Variants in PLA2G4E observed in about 807,000 individuals in gnomAD.
The protein encoded by PLA2G4E is phospholipase A2 group IVE, also known as cytosolic phospholipase A2 epsilon.
PLA2G4E carries 84 observed loss-of-function variants against 109.1 expected under a neutral mutation model. The ratio of observed to expected loss-of-function variants is 0.77; its 90% CI spans 0.65 to 0.92. PLA2G4E has a LOEUF of 0.92. Among genes scored for constraint, PLA2G4E ranks in the 40% least tolerant of loss-of-function variants. The pLI is 0.00. For missense variants in PLA2G4E, 1,057 were observed against 1,076.6 expected (o/e 0.98, Z 0.25); for synonymous variants, 469 against 436.1 (o/e 1.08, Z -0.94).
intron 10 of PLA2G4E, chr15:41,997,786 G>C (rs1200764434): frequency 2.6e-5 from 4 of 152,182 alleles, no homozygotes; most frequent in Admixed American, 6.5e-5. Flanking sequence ...CAATTATTCT[G>C]TGTGTGTGTG....
chr15:42,016,450 T>G (rs921039852), intron 1 of PLA2G4E, among the ~76,000 whole-genome samples: 3 of 151,968 alleles, frequency 2.0e-5, no homozygotes, highest in African/African-American at 7.3e-5. Context: ...CAATTCTCCC[T>G]CCTCAGTCTC....
intron 13 of PLA2G4E, among the ~76,000 whole-genome samples, chr15:41,990,987 C>A (rs2068238333): frequency 6.6e-6 from 1 of 152,000 alleles, no homozygotes; most frequent in South Asian, 2.1e-4. Context: ...GCAAAGGCTA[C>A]AGAACCTGTG....
intron 1 of PLA2G4E, among the ~76,000 whole-genome samples, chr15:42,047,437 C>A (rs1024950080): frequency 4.0e-5 from 6 of 150,526 alleles, no homozygotes; most frequent in African/African-American, 1.5e-4. Context: ...TATAACAATC[C>A]CACTCTCAGT....
Position 41,995,614 on chromosome 15 carries a change from G to T in PLA2G4E, c.1111-118C>A, listed in dbSNP as rs1055905934. The T allele has an allele frequency of 3.1e-5, 43 of 1,371,760 alleles. 1 individual carries two copies. The highest frequency in any genetic ancestry group is 2.8e-4 in the African/African-American group (20 of 70,196). The allele number at this position is 1,371,760 out of a possible 1,614,324, so 85.0% of individuals were successfully genotyped here. On this transcript the variant is annotated intron_variant, in intron 11 of 19. Coordinates refer to ENST00000399518, the Ensembl canonical transcript of PLA2G4E. ...GAGGAGGCAGAGCTGGCTACAGAGG[G>T]CAGGGAGTGCGGCGTTGAGCCACCT...
Position 42,050,444 on chromosome 15 carries a change from G to A in PLA2G4E, c.183+77C>T, listed in dbSNP as rs1016065646. 6 of 1,445,648 alleles carry A rather than the reference G, an allele frequency of 4.2e-6. No homozygotes were observed. In the Admixed American group the frequency reaches 8.9e-5, roughly 21 times the overall value. 89.6% of individuals were successfully genotyped at this position (1,445,648 alleles called of 1,614,324 possible). A position where few individuals can be genotyped will look rare whatever the true frequency, so the allele number is the denominator to read the frequency against. ...AACCTCTTAACTCTGCAGCAATGCAGGTGATCTTATTCCGAGTCAGGAAAG... is the reference window on the plus strand; with the variant it reads ...AACCTCTTAACTCTGCAGCAATGCAAGTGATCTTATTCCGAGTCAGGAAAG... On this transcript the variant is annotated intron_variant, in intron 1 of 19. Transcript: ENST00000399518.
At chr15:41,987,945 C>T (rs1175472488) in intron 16 of PLA2G4E, 104 bp downstream of exon 16, 1 of 570,948 alleles carries the variant, frequency 1.8e-6, no homozygotes, top group Non-Finnish European at 3.3e-6. Flanking sequence ...CCCCCCATCA[C>T]CCAGCCATGA....
chr15:41,982,358 G>C (rs1049714973), exon 20 of PLA2G4E: 9 of 152,028 alleles, frequency 5.9e-5, no homozygotes, highest in Non-Finnish European at 1.5e-5. Flanking sequence ...TGTGTCCCAG[G>C]GTTTTCCCAG....
chr15:42,040,006 G>A (rs1158359518), intron 1 of PLA2G4E, among the ~76,000 whole-genome samples: 1 of 152,070 alleles, frequency 6.6e-6, no homozygotes, highest in African/African-American at 2.4e-5. Flanking sequence ...TAAAATTAAG[G>A]AGAGAAAACT....
At chr15:42,030,091 G>C (rs1889087096) in intron 1 of PLA2G4E, among the ~76,000 whole-genome samples, 1 of 152,172 alleles carries the variant, frequency 6.6e-6, no homozygotes, top group Non-Finnish European at 1.5e-5. Context: ...TGAAGAGGAG[G>C]GGAGAGGACA....
At chr15:41,982,342 T>G (rs1391875458) in exon 20 of PLA2G4E, 2 of 152,230 alleles carry the variant, frequency 1.3e-5, no homozygotes, top group Non-Finnish European at 2.9e-5. Context: ...TGACTTTGGG[T>G]TTCTCTGTGT....
chr15:42,029,312 T>A (rs1402085283), intron 1 of PLA2G4E, among the ~76,000 whole-genome samples: 1 of 152,236 alleles, frequency 6.6e-6, no homozygotes, highest in East Asian at 1.9e-4. Context: ...CCCAGGCCAG[T>A]CTCAAACACC....
intron 1 of PLA2G4E, among the ~76,000 whole-genome samples, chr15:42,023,655 C>A (rs573845320): frequency 1.3e-5 from 2 of 152,190 alleles, no homozygotes; most frequent in South Asian, 2.1e-4. Flanking sequence ...TCCCATCTGT[C>A]TCCCCATCCC....
At chr15:42,012,697 G>A (rs1335973345) in intron 2 of PLA2G4E, among the ~76,000 whole-genome samples, 1 of 152,220 alleles carries the variant, frequency 6.6e-6, no homozygotes, top group African/African-American at 2.4e-5. Context: ...GTGACAAGAT[G>A]GGAACGTTGT....
intron 1 of PLA2G4E, among the ~76,000 whole-genome samples, chr15:42,039,350 C>T (rs12904287): frequency 0.27 from 40,786 of 151,978 alleles, 6,127 homozygotes; most frequent in Admixed American, 0.36. Context: ...TAAATAATTG[C>T]ATATTTCTAT....
At chr15:41,987,969 G>A (rs1324485674) in intron 16 of PLA2G4E, 80 bp downstream of exon 16, 1 of 813,430 alleles carries the variant, frequency 1.2e-6, no homozygotes, top group East Asian at 2.8e-5. Flanking sequence ...AAAGCCGGGG[G>A]CCGCCCCCCA....
exon 11 of PLA2G4E, chr15:41,997,145 C>T: frequency 6.4e-7 from 1 of 1,569,820 alleles, no homozygotes; most frequent in Non-Finnish European, 8.6e-7. Context: ...GCAGGTCTTC[C>T]TCCAGCTGCA....
At chr15:42,028,995 T>C (rs1334894089) in intron 1 of PLA2G4E, among the ~76,000 whole-genome samples, 1 of 152,182 alleles carries the variant, frequency 6.6e-6, no homozygotes, top group East Asian at 1.9e-4. Flanking sequence ...ATGTAGGTAA[T>C]GTTTGTATTC....
chr15:42,002,719 C>T (rs1169651504), intron 5 of PLA2G4E, 23 bp from the exon 6 acceptor site: 4 of 1,559,542 alleles, frequency 2.6e-6, no homozygotes, highest in Non-Finnish European at 3.5e-6. Context: ...AGGAGAACTC[C>T]TGGTCAATTC....
chr15:42,037,010 G>T (rs1889229217), intron 1 of PLA2G4E, among the ~76,000 whole-genome samples: 1 of 152,254 alleles, frequency 6.6e-6, no homozygotes, highest in Non-Finnish European at 1.5e-5. Flanking sequence ...CATATTTGGG[G>T]CAGTGCTGGT....
Sources: allele counts gnomAD v4.1 joint callset (sites outside exome capture counted in the v4.1 genomes callset), GRCh38; gene constraint gnomAD v4.1.1; transcripts MANE v1.5; gene names NCBI Gene and HGNC (gene_info 2026-07-23, HGNC 2026-07-21).